RBM20: variants seen among roughly 807,000 people sequenced by gnomAD.
RBM20 encodes the protein RNA-binding protein 20.
RBM20 carries 51 observed loss-of-function variants against 110.1 expected under a neutral mutation model. The ratio of observed to expected loss-of-function variants is 0.46; its 90% CI spans 0.37 to 0.59. The LOEUF is 0.59. RBM20 is among the 20% of genes least tolerant of loss of function. The pLI is 0.00. For synonymous variants in RBM20, 589 were observed against 618.2 expected, an observed-to-expected ratio of 0.95 and a Z score of 0.70; for missense variants, 1,512 against 1,574.9, an observed-to-expected ratio of 0.96 and a Z score of 0.68.
chr10:110,775,366 G>A (rs985990809), intron 1 of RBM20, among the ~76,000 whole-genome samples: 1 of 152,216 alleles, frequency 6.6e-6, no homozygotes, highest in South Asian at 2.1e-4. Flanking sequence ...GATGTGGCCG[G>A]TGCATGAGTT....
intron 5 of RBM20, among the ~76,000 whole-genome samples, chr10:110,795,348 G>T (rs1844535583): frequency 6.6e-6 from 1 of 152,242 alleles, no homozygotes; most frequent in Non-Finnish European, 1.5e-5. Flanking sequence ...TTGCACTTTA[G>T]GAAGATGAGG....
At chr10:110,788,509 C>G (rs912359251) in intron 5 of RBM20, among the ~76,000 whole-genome samples, 5 of 152,204 alleles carry the variant, frequency 3.3e-5, no homozygotes, top group Non-Finnish European at 5.9e-5. Context: ...GGGACAAGGA[C>G]AAAGCCTGCC....
chr10:110,680,504 G>C (rs935056005), intron 1 of RBM20, among the ~76,000 whole-genome samples: 1 of 152,176 alleles, frequency 6.6e-6, no homozygotes, highest in Non-Finnish European at 1.5e-5. Flanking sequence ...AGTCTCATCT[G>C]TTCTCCTGGG....
chr10:110,829,754 G>A (rs962436911), intron 12 of RBM20, among the ~76,000 whole-genome samples: 1 of 152,222 alleles, frequency 6.6e-6, no homozygotes. Context: ...GTCACGCTGT[G>A]CCTTGGAGCA....
intron 1 of RBM20, among the ~76,000 whole-genome samples, chr10:110,687,132 T>A (rs934821962): frequency 1.2e-4 from 18 of 152,308 alleles, no homozygotes; most frequent in Middle Eastern, 6.8e-3. Flanking sequence ...ATGGCAAGAT[T>A]GTAAACTATG....
At chr10:110,654,122 A>G (rs1861988211) in intron 1 of RBM20, among the ~76,000 whole-genome samples, 1 of 152,108 alleles carries the variant, frequency 6.6e-6, no homozygotes, top group Non-Finnish European at 1.5e-5. Context: ...CTACCATGAG[A>G]CCCTCTGAAT....
At chr10:110,683,630 T>C (rs1590614995) in intron 1 of RBM20, among the ~76,000 whole-genome samples, 1 of 152,358 alleles carries the variant, frequency 6.6e-6, no homozygotes, top group Middle Eastern at 3.4e-3. Flanking sequence ...TACTTGCTCA[T>C]TTCTAGATTA....
In RBM20 at chr10:110,812,410, T is replaced by C. The variant is rs1564660855; in HGVS notation, c.2013T>C (p.Asn671=). 5 of 1,551,616 alleles carry C rather than the reference T, an allele frequency of 3.2e-6. No homozygotes were observed. The South Asian group carries it at 4.8e-5, about 15-fold the overall frequency. ...GCCCCTCCCGGGCTGACTGGGGCAA[T>C]GGCCGGGACTCCTGGGAGCACTCTC... ...PPGPSRADWG[N]GRDSWEHSPY... is the part of the protein sequence containing the mutation. Residue 671 remains asparagine (N), a synonymous_variant, in exon 9 of 14, where the codon AAT becomes AAC. Coordinates refer to ENST00000369519, the MANE Select transcript of RBM20 (RefSeq NM_001134363.3).
chr10:110,701,646 T>C (rs1166067381), intron 1 of RBM20, among the ~76,000 whole-genome samples: 1 of 152,200 alleles, frequency 6.6e-6, no homozygotes, highest in Admixed American at 6.5e-5. Context: ...CTCCACACCA[T>C]CCAGTGGGAA....
intron 1 of RBM20, among the ~76,000 whole-genome samples, chr10:110,719,795 A>G (rs755200984): frequency 6.6e-6 from 1 of 152,224 alleles, no homozygotes; most frequent in Non-Finnish European, 1.5e-5. Flanking sequence ...GGATTGTAAT[A>G]TGTGCCTCTT....
At chr10:110,666,677 C>T (rs1157280444) in intron 1 of RBM20, among the ~76,000 whole-genome samples, 1 of 145,514 alleles carries the variant, frequency 6.9e-6, no homozygotes, top group Non-Finnish European at 1.5e-5. Flanking sequence ...ATCACCTGGC[C>T]AGCAAGTAGG....
At chr10:110,789,568 CT>C (rs1844459894) in intron 5 of RBM20, among the ~76,000 whole-genome samples, 1 of 152,090 alleles carries the variant, frequency 6.6e-6, no homozygotes, top group African/African-American at 2.4e-5. Context: ...AGCGATCCTC[CT>C]ACCTTAGCCT....
At chr10:110,723,106 C>T (rs1843526809) in intron 1 of RBM20, among the ~76,000 whole-genome samples, 1 of 134,086 alleles carries the variant, frequency 7.5e-6, no homozygotes, top group South Asian at 2.3e-4. Flanking sequence ...AGCGAGACTC[C>T]ATCTAAAAAA....
intron 1 of RBM20, among the ~76,000 whole-genome samples, chr10:110,662,135 G>A (rs184257122): frequency 1.3e-5 from 2 of 152,128 alleles, no homozygotes; most frequent in Admixed American, 6.5e-5. Flanking sequence ...GCCAGCACTT[G>A]AATGGTACCA....
At chr10:110,827,530 A>G (rs1184241966) in intron 12 of RBM20, among the ~76,000 whole-genome samples, 1 of 152,250 alleles carries the variant, frequency 6.6e-6, no homozygotes, top group Non-Finnish European at 1.5e-5. Context: ...CAGTCTGTGG[A>G]ATCTGATTCC....
At position 110,700,263 on chromosome 10, in the gene RBM20, A is replaced by G. The variant is rs531054312; in HGVS notation, c.191+55618A>G. On this transcript the variant is annotated intron_variant, in intron 1 of 13. Coordinates refer to ENST00000369519, the MANE Select transcript of RBM20 (RefSeq NM_001134363.3). ...GAGCCTTTGGCATGAACACCAGACAAGGTTGGCTGGGTTTATAGGTGCTAC... is the reference window on the plus strand; with the variant it reads ...GAGCCTTTGGCATGAACACCAGACAGGGTTGGCTGGGTTTATAGGTGCTAC... Among the ~76,000 whole-genome samples, 81 of 152,258 alleles carry G rather than the reference A, an allele frequency of 5.3e-4. 1 individual carries two copies. The highest frequency in any genetic ancestry group is 1.9e-3 in the African/African-American group (78 of 41,560).
At chr10:110,711,024 C>A (rs1022834133) in intron 1 of RBM20, among the ~76,000 whole-genome samples, 1 of 151,886 alleles carries the variant, frequency 6.6e-6, no homozygotes, top group African/African-American at 2.4e-5. Context: ...TTGTTACTGT[C>A]CCCCAGCCCA....
In RBM20 at chr10:110,644,746, G is replaced by A; in HGVS notation, c.191+101G>A. ...TTCCCGTCCCTGCTGAACTTCGCTC[G>A]CCCCCCTTGGGTTTGAAGTTTTCTC... On this transcript the variant is annotated intron_variant, in intron 1 of 13. Transcript: ENST00000369519. This position sits in a 1 kb window ranked among gnomAD's most constrained non-coding sequence, Gnocchi z 4.3. The A allele has an allele frequency of 3.3e-6, 3 of 921,778 alleles. No individual in the cohort carries two copies. Among genetic ancestry groups the A allele is most frequent in the Non-Finnish European group, 4.6e-6 (3 of 653,952 alleles). The allele number at this position is 921,778 out of a possible 1,614,324, so 57.1% of individuals were successfully genotyped here. A position where few individuals can be genotyped will look rare whatever the true frequency, so the allele number is the denominator to read the frequency against.
At chr10:110,756,578 T>G (rs1182941017) in intron 1 of RBM20, 1 of 152,270 alleles carries the variant, frequency 6.6e-6, no homozygotes, top group African/African-American at 2.4e-5. Context: ...CTCCCACATC[T>G]GGGCTCATGG....
Sources: allele counts gnomAD v4.1 joint callset (sites outside exome capture counted in the v4.1 genomes callset), GRCh38; gene constraint gnomAD v4.1.1; non-coding constraint Gnocchi (gnomAD v3.1); transcripts MANE v1.5; gene names NCBI Gene and HGNC (gene_info 2026-07-23, HGNC 2026-07-21).